The following GRID2 variants were observed in gnomAD, a reference collection of about 807,000 sequenced individuals.
GRID2 encodes the protein glutamate ionotropic receptor delta type subunit 2, also known as glutamate receptor ionotropic, delta-2.
GRID2 carries 33 observed loss-of-function variants against 114.8 expected under a neutral mutation model. That is an observed-to-expected ratio of 0.29 (90% CI 0.22 to 0.38). The LOEUF (loss-of-function observed/expected upper bound fraction) is 0.38, where lower values mean the gene tolerates loss of function less well. Among genes scored for constraint, GRID2 ranks in the 10% least tolerant of loss-of-function variants. The pLI, the probability that GRID2 is intolerant of heterozygous loss-of-function variation, is 1.00. For synonymous variants in GRID2, 505 were observed against 449.9 expected (o/e 1.12, Z -1.55); for missense variants, 1,184 against 1,257.7 (o/e 0.94, Z 0.89).
At chr4:92,940,509 G>A (rs1751027926) in intron 2 of GRID2, among the ~76,000 whole-genome samples, 1 of 152,140 alleles carries the variant, frequency 6.6e-6, no homozygotes, top group South Asian at 2.1e-4. Flanking sequence ...CCTGTCATCT[G>A]CAAACAGGGA....
chr4:92,962,035 C>T (rs975266144), intron 2 of GRID2, among the ~76,000 whole-genome samples: 2 of 151,694 alleles, frequency 1.3e-5, no homozygotes, highest in African/African-American at 2.4e-5. Context: ...TGAGAATTTC[C>T]GTCTCTCTGC....
In GRID2 at chr4:93,508,289, C is replaced by T. The variant is rs902082831; in HGVS notation, c.1998-6927C>T. 1.1e-4 allele frequency among the ~76,000 whole-genome samples: 16 copies of T among 151,122 alleles called. 2 individuals are homozygous for T. Among genetic ancestry groups the T allele is most frequent in the Admixed American group, 5.3e-4 (8 of 15,182 alleles). On this transcript the variant is annotated intron_variant, in intron 12 of 15. Transcript: ENST00000282020. ...ATCGGCTCACTGCAACCTCTGCCTC[C>T]GGGTTCAAGCGATTCTCCTGCCTCA... is the stretch of plus-strand genomic sequence containing the variant.
chr4:92,653,706 C>A (rs1009638351), intron 2 of GRID2, among the ~76,000 whole-genome samples: 8 of 152,020 alleles, frequency 5.3e-5, no homozygotes, highest in African/African-American at 1.9e-4. Context: ...CAATAGTGAG[C>A]CAGCAGATTT....
intron 2 of GRID2, among the ~76,000 whole-genome samples, chr4:92,922,458 G>A: frequency 6.6e-6 from 1 of 152,058 alleles, no homozygotes; most frequent in Non-Finnish European, 1.5e-5. Flanking sequence ...GCTGTAGACT[G>A]GTGCTGTTCC....
At chr4:92,334,406 C>T (rs1056678578) in intron 1 of GRID2, among the ~76,000 whole-genome samples, 1 of 152,054 alleles carries the variant, frequency 6.6e-6, no homozygotes, top group Non-Finnish European at 1.5e-5. Context: ...AAGTCACTTC[C>T]ACATTTTCAG....
At chr4:93,297,912 A>G (rs918367748) in intron 8 of GRID2, among the ~76,000 whole-genome samples, 1 of 152,208 alleles carries the variant, frequency 6.6e-6, no homozygotes, top group Non-Finnish European at 1.5e-5. Flanking sequence ...ACACAATATT[A>G]TCAGATTCTG....
At chr4:93,206,762 T>A (rs1263800333) in intron 4 of GRID2, among the ~76,000 whole-genome samples, 2 of 152,152 alleles carry the variant, frequency 1.3e-5, no homozygotes, top group Non-Finnish European at 2.9e-5. Context: ...TTTTATTTCT[T>A]TTCATCTTAT....
At chr4:92,666,650 G>GTTTTTTTTTTTTTTTTTTTT (rs70942922) in intron 2 of GRID2, among the ~76,000 whole-genome samples, 14 of 68,594 alleles carry the variant, frequency 2.0e-4, no homozygotes, top group East Asian at 6.1e-4. Flanking sequence ...CTTAAGGGTT[G>GTTTTTTTTTTTTTTTTTTTT]TTTTTTTTTT....
chr4:93,695,196 C>T lies in GRID2; in HGVS notation c.2360+68761C>T, dbSNP rs189941406. ...GGAAAAAAAAAAAAAAAAATGGTTA[C>T]TGAGCGCCATGGAAGGGCACTGGAG... On this transcript the variant is annotated intron_variant, in intron 14 of 15. Coordinates refer to ENST00000282020, the MANE Select transcript of GRID2 (RefSeq NM_001510.4). Among the ~76,000 whole-genome samples the T allele has an allele frequency of 2.0e-4, 30 of 150,530 alleles. No homozygotes were observed. In the East Asian group the frequency reaches 4.9e-3, roughly 25 times the overall value.
intron 2 of GRID2, among the ~76,000 whole-genome samples, chr4:92,625,959 A>G (rs1384711862): frequency 6.6e-6 from 1 of 151,978 alleles, no homozygotes; most frequent in Non-Finnish European, 1.5e-5. Context: ...ACATTTTAAA[A>G]TTCTGTTTTA....
chr4:93,157,792 C>T (rs1228160029), intron 4 of GRID2, among the ~76,000 whole-genome samples: 5 of 151,610 alleles, frequency 3.3e-5, no homozygotes, highest in Non-Finnish European at 7.4e-5. Context: ...CAGAATTCTG[C>T]TTATGTGGCA....
intron 12 of GRID2, among the ~76,000 whole-genome samples, chr4:93,503,482 C>G (rs1385648747): frequency 2.4e-5 from 3 of 123,646 alleles, no homozygotes; most frequent in African/African-American, 9.0e-5. Flanking sequence ...CCCCTCCCCC[C>G]ACCCCACAAC....
downstream of GRID2, among the ~76,000 whole-genome samples, chr4:93,779,196 G>A (rs2110349169): frequency 7.0e-6 from 1 of 142,156 alleles, no homozygotes; most frequent in South Asian, 2.4e-4. Flanking sequence ...TAATCATTTT[G>A]TGTCTCTTTC....
chr4:93,473,573 ATTTGGACAAAAGTG>A (rs1244499451), intron 11 of GRID2, among the ~76,000 whole-genome samples: 1 of 152,128 alleles, frequency 6.6e-6, no homozygotes, highest in East Asian at 1.9e-4. Flanking sequence ...TACCTAAATC[ATTTGGACAAAAGTG>A]TTTGAAATTT....
intron 13 of GRID2, among the ~76,000 whole-genome samples, chr4:93,574,465 G>A (rs1264709481): frequency 6.6e-6 from 1 of 152,146 alleles, no homozygotes; most frequent in East Asian, 1.9e-4. Flanking sequence ...AGGTTTAATT[G>A]GACTTACAGT....
chr4:92,792,084 G>A (rs1018594965), intron 2 of GRID2, among the ~76,000 whole-genome samples: 3 of 151,850 alleles, frequency 2.0e-5, no homozygotes, highest in African/African-American at 7.2e-5. Flanking sequence ...GACACTTGGT[G>A]ACCAAGAGCC....
intron 2 of GRID2, among the ~76,000 whole-genome samples, chr4:92,656,376 T>C (rs1360688850): frequency 6.6e-6 from 1 of 151,658 alleles, no homozygotes; most frequent in African/African-American, 2.4e-5. Context: ...CCATATACTT[T>C]TTGCAAGTGT....
chr4:92,655,287 T>G (rs1282441632), intron 2 of GRID2, among the ~76,000 whole-genome samples: 1 of 152,002 alleles, frequency 6.6e-6, no homozygotes, highest in Non-Finnish European at 1.5e-5. Flanking sequence ...ACTATAGCCT[T>G]GTCTTATATT....
chr4:93,686,926 T>C (rs1034093791), intron 14 of GRID2, among the ~76,000 whole-genome samples: 1 of 151,882 alleles, frequency 6.6e-6, no homozygotes, highest in Non-Finnish European at 1.5e-5. Context: ...ACAGAAGCTA[T>C]TGTAGCAATT....
Sources: gnomAD v4.1 joint callset for allele counts (sites outside exome capture counted in the v4.1 genomes callset) on GRCh38, gnomAD v4.1.1 for gene constraint, MANE v1.5 for transcripts, NCBI Gene and HGNC (gene_info 2026-07-23, HGNC 2026-07-21) for gene names.